The following NXNL2 variants were observed in gnomAD, a reference collection of about 807,000 sequenced individuals.
NXNL2 encodes nucleoredoxin like 2.
NXNL2 carries 7 observed loss-of-function variants against 11.1 expected under a neutral mutation model. The observed-to-expected ratio is 0.63, with a 90% CI of 0.36 to 1.18. The LOEUF (loss-of-function observed/expected upper bound fraction) is 1.18, where lower values mean the gene tolerates loss of function less well. NXNL2 is among the 50% of genes most tolerant of loss of function. NXNL2 has a pLI of 0.02. For missense variants in NXNL2, 233 were observed against 217.7 expected (o/e 1.07, Z -0.44); for synonymous variants, 109 against 101.8 (o/e 1.07, Z -0.42).
intron 1 of NXNL2, among the ~76,000 whole-genome samples, chr9:88,561,302 G>A (rs1830082352): frequency 1.3e-5 from 2 of 152,144 alleles, no homozygotes; most frequent in Non-Finnish European, 2.9e-5. Flanking sequence ...TTCAGTTTAG[G>A]GACCCGGACT....
chr9:88,562,679 G>A (rs1013225015), intron 1 of NXNL2, among the ~76,000 whole-genome samples: 2 of 152,020 alleles, frequency 1.3e-5, no homozygotes, highest in African/African-American at 4.8e-5. Flanking sequence ...TTGAACCCGG[G>A]GGGTGGAGGT....
chr9:88,552,837 T>C (rs1189044738), intron 1 of NXNL2, among the ~76,000 whole-genome samples: 1 of 152,218 alleles, frequency 6.6e-6, no homozygotes, highest in Non-Finnish European at 1.5e-5. Flanking sequence ...ATTTCCACAA[T>C]ATCTGTCTGA....
chr9:88,579,016 A>G (rs1830379876), downstream of NXNL2, among the ~76,000 whole-genome samples: 1 of 152,196 alleles, frequency 6.6e-6, no homozygotes, highest in South Asian at 2.1e-4. Flanking sequence ...CATGGGGATC[A>G]CAGGAAAGTC....
downstream of NXNL2, among the ~76,000 whole-genome samples, chr9:88,578,336 G>A (rs1462231406): frequency 6.6e-6 from 1 of 152,222 alleles, no homozygotes; most frequent in Non-Finnish European, 1.5e-5. Context: ...GTCCCTGCCG[G>A]TCCTGGAGTG....
At chr9:88,535,838 C>CT in intron 1 of NXNL2, 102 bp downstream of exon 1, 4 of 853,278 alleles carry the variant, frequency 4.7e-6, no homozygotes, top group East Asian at 2.8e-5. Context: ...GACGCCCCCC[C>CT]CCAACACCTC....
At chr9:88,574,032 A>G (rs952225569) in intron 2 of NXNL2, among the ~76,000 whole-genome samples, 1 of 152,228 alleles carries the variant, frequency 6.6e-6, no homozygotes, top group Admixed American at 6.5e-5. Flanking sequence ...GGATTGTAAC[A>G]TGGTGCAGCC....
At chr9:88,537,302 G>A (rs1829646436) in intron 1 of NXNL2, among the ~76,000 whole-genome samples, 1 of 152,156 alleles carries the variant, frequency 6.6e-6, no homozygotes, top group African/African-American at 2.4e-5. Flanking sequence ...TCACTGAGGG[G>A]GTGGTGAGTC....
chr9:88,576,567 G>A (rs891618138), downstream of NXNL2, among the ~76,000 whole-genome samples: 3 of 152,200 alleles, frequency 2.0e-5, no homozygotes, highest in Non-Finnish European at 2.9e-5. Context: ...AGGGAGACAT[G>A]TCTGCTCTCC....
chr9:88,577,441 C>A (rs986197523), downstream of NXNL2, among the ~76,000 whole-genome samples: 8 of 152,092 alleles, frequency 5.3e-5, no homozygotes, highest in Non-Finnish European at 1.0e-4. Context: ...CAGGTGCCAG[C>A]TCAGGCTGCC....
At chr9:88,553,918 T>A (rs541014153) in intron 1 of NXNL2, among the ~76,000 whole-genome samples, 1 of 152,226 alleles carries the variant, frequency 6.6e-6, no homozygotes, top group African/African-American at 2.4e-5. Flanking sequence ...CTTATGTATG[T>A]GTTGTCATGA....
chr9:88,543,995 C>A (rs1209964128), intron 1 of NXNL2, among the ~76,000 whole-genome samples: 1 of 152,182 alleles, frequency 6.6e-6, no homozygotes, highest in African/African-American at 2.4e-5. Flanking sequence ...CATGGTGAAA[C>A]CCCATCTCTA....
chr9:88,563,081 C>G (rs1019428830), intron 1 of NXNL2, among the ~76,000 whole-genome samples: 3 of 151,970 alleles, frequency 2.0e-5, no homozygotes, highest in Non-Finnish European at 4.4e-5. Flanking sequence ...AACGAGACTC[C>G]ATCTCAAAAA....
rs944695461 is a variant in NXNL2, at chr9:88,562,628, C to T, written c.303-8459C>T. ...ATTAGCCAGGCATGGTGGCGTGGCC[C>T]GTAATACCAGCTACTTAGGAGGCTG... is the stretch of plus-strand genomic sequence containing the variant. On this transcript the variant is annotated intron_variant, in intron 1 of 2. Coordinates refer to the NXNL2 transcript ENST00000375855. Among the ~76,000 whole-genome samples the T allele has an allele frequency of 3.3e-5, 5 of 151,270 alleles. No homozygotes were observed. The South Asian group carries it at 8.4e-4, about 25-fold the overall frequency.
chr9:88,569,800 A>ATG (rs1383396470), intron 1 of NXNL2, among the ~76,000 whole-genome samples: 40 of 152,316 alleles, frequency 2.6e-4, no homozygotes, highest in Non-Finnish European at 5.0e-4. Flanking sequence ...CTGTGGGATA[A>ATG]ATTCTATTTG....
At chr9:88,560,311 T>C (rs1830070414) in intron 1 of NXNL2, among the ~76,000 whole-genome samples, 1 of 151,342 alleles carries the variant, frequency 6.6e-6, no homozygotes, top group Admixed American at 6.6e-5. Flanking sequence ...TACCCAGTAC[T>C]AGACAAAAAC....
intron 1 of NXNL2, among the ~76,000 whole-genome samples, chr9:88,553,614 G>C (rs1432955894): frequency 6.6e-6 from 1 of 152,180 alleles, no homozygotes; most frequent in African/African-American, 2.4e-5. Flanking sequence ...CAGGGAGGTG[G>C]AGAGTCCAAC....
chr9:88,555,754 C>T (rs1830000647), intron 1 of NXNL2, among the ~76,000 whole-genome samples: 1 of 152,206 alleles, frequency 6.6e-6, no homozygotes, highest in Admixed American at 6.5e-5. Flanking sequence ...TGGCACTGGG[C>T]TCACTCCTCC....
chr9:88,563,265 T>A (rs1421798153), intron 1 of NXNL2, among the ~76,000 whole-genome samples: 1 of 152,206 alleles, frequency 6.6e-6, no homozygotes, highest in African/African-American at 2.4e-5. Context: ...CACACACACG[T>A]GTGTGCACTT....
intron 1 of NXNL2, among the ~76,000 whole-genome samples, chr9:88,554,056 G>A (rs1460210284): frequency 6.6e-6 from 1 of 152,128 alleles, no homozygotes; most frequent in East Asian, 1.9e-4. Context: ...GGCCTGGGCT[G>A]ACATGAAACT....
Sources: allele counts gnomAD v4.1 joint callset (sites outside exome capture counted in the v4.1 genomes callset), GRCh38; gene constraint gnomAD v4.1.1; transcripts MANE v1.5; gene names NCBI Gene and HGNC (gene_info 2026-07-23, HGNC 2026-07-21).